ATP6V1E1: variants seen among roughly 807,000 people sequenced by gnomAD.
The protein encoded by ATP6V1E1 is V-type proton ATPase subunit E 1.
Under a neutral mutation model 35.2 loss-of-function variants are expected in ATP6V1E1, and 21 were observed. The ratio of observed to expected loss-of-function variants is 0.60; its 90% CI spans 0.42 to 0.86. ATP6V1E1 has a LOEUF of 0.86. ATP6V1E1 is among the 40% of genes least tolerant of loss of function. ATP6V1E1 has a pLI of 0.00. For missense variants in ATP6V1E1, 183 were observed against 272.6 expected (o/e 0.67, Z 2.32); for synonymous variants, 83 against 87.8 (o/e 0.95, Z 0.30).
chr22:17,598,364 A>C, intron 6 of ATP6V1E1, 76 bp from the exon 7 acceptor site: 1 of 1,148,514 alleles, frequency 8.7e-7, no homozygotes. Context: ...CAGACTATAC[A>C]AGCAAGGATA....
At chr22:17,600,945 G>C in intron 5 of ATP6V1E1, 147 bp downstream of exon 5, 1 of 622,412 alleles carries the variant, frequency 1.6e-6, no homozygotes, top group Non-Finnish European at 2.7e-6. Flanking sequence ...AAGAGTGAAA[G>C]TAAAAAAGCT....
intron 1 of ATP6V1E1, among the ~76,000 whole-genome samples, chr22:17,625,472 G>GTCTCAAACTCCCAATCTCAGGTGA (rs2057899256): frequency 6.7e-6 from 1 of 149,376 alleles, no homozygotes; most frequent in Non-Finnish European, 1.5e-5. Flanking sequence ...GGTCAGGCTG[G>GTCTCAAACTCCCAATCTCAGGTGA]TCTCAAACTC....
chr22:17,623,750 C>G (rs906670271), intron 1 of ATP6V1E1, among the ~76,000 whole-genome samples: 7 of 152,072 alleles, frequency 4.6e-5, no homozygotes, highest in Non-Finnish European at 1.0e-4. Flanking sequence ...AACCCTGATT[C>G]GGACCTGGAT....
chr22:17,618,986 C>T (rs1373726073), intron 2 of ATP6V1E1: 3 of 451,746 alleles, frequency 6.6e-6, no homozygotes, highest in Non-Finnish European at 8.8e-6. Flanking sequence ...AGTGACGAAG[C>T]GAGACTGTCT....
rs755637338 is a variant in ATP6V1E1 at position 17,613,274 on chromosome 22, T to C, written c.146A>G (p.Gln49Arg). The change falls in exon 3 of 9, where the codon CAA becomes CGA. Residue 49 changes from glutamine (Q) to arginine (R), a missense_variant. By Grantham distance (43) the Gln-to-Arg change is conservative (BLOSUM62 1). Coordinates refer to ENST00000253413, the MANE Select transcript of ATP6V1E1 (RefSeq NM_001696.4). ...NIEKGRLVQT[Q>R]RLKIMEYYEK... ...ATAATATTCCATAATCTTTAGTCTT[T>C]GGGTTTGCACAAGCCGACCTTTCTC... 5.0e-6 allele frequency: 8 copies of C among 1,613,698 alleles called. No homozygotes were observed. The Admixed American group carries it at 1.3e-4, about 27-fold the overall frequency.
intron 4 of ATP6V1E1, among the ~76,000 whole-genome samples, chr22:17,601,855 C>A (rs2057763722): frequency 6.6e-6 from 1 of 152,222 alleles, no homozygotes; most frequent in African/African-American, 2.4e-5. Flanking sequence ...GATCCGCCTG[C>A]CTTGGCCTCC....
chr22:17,612,782 T>C (rs769352513), intron 4 of ATP6V1E1, 30 bp downstream of exon 4: 4 of 1,503,216 alleles, frequency 2.7e-6, no homozygotes, highest in Non-Finnish European at 3.6e-6. Flanking sequence ...CATGTAATAA[T>C]TTTATAACTA....
rs898838739 is a variant in ATP6V1E1, at chr22:17,626,930, C to T, written c.33+1673G>A. ...GATCAAGCGATCCTCCCACCTCAGCCTCCCAAAGTGCTGGGGGCTACAGGT... is the reference window on the plus strand; with the variant it reads ...GATCAAGCGATCCTCCCACCTCAGCTTCCCAAAGTGCTGGGGGCTACAGGT... On this transcript the variant is annotated intron_variant, in intron 1 of 8. Coordinates refer to ENST00000253413, the MANE Select transcript of ATP6V1E1 (RefSeq NM_001696.4). Among the ~76,000 whole-genome samples, 11 of 152,070 alleles carry T rather than the reference C, an allele frequency of 7.2e-5. No individual in the cohort carries two copies. The East Asian group carries it at 1.9e-3, about 27-fold the overall frequency.
At chr22:17,622,864 G>A (rs1207848686) in intron 1 of ATP6V1E1, among the ~76,000 whole-genome samples, 1 of 152,100 alleles carries the variant, frequency 6.6e-6, no homozygotes, top group African/African-American at 2.4e-5. Context: ...TTACTCAGGA[G>A]GCTGAGGCAG....
At chr22:17,626,555 T>C (rs2057906886) in intron 1 of ATP6V1E1, among the ~76,000 whole-genome samples, 2 of 151,398 alleles carry the variant, frequency 1.3e-5, no homozygotes, top group African/African-American at 4.9e-5. Flanking sequence ...TTTTTTTTTT[T>C]TGAGACAGTC....
At chr22:17,619,573 A>G (rs2057864681) in intron 1 of ATP6V1E1, 47 bp from the exon 2 acceptor site, 4 of 1,429,202 alleles carry the variant, frequency 2.8e-6, no homozygotes, top group Non-Finnish European at 3.8e-6. Flanking sequence ...ATATGGAAAT[A>G]TCTTTTCTGA....
intron 1 of ATP6V1E1, among the ~76,000 whole-genome samples, chr22:17,627,910 G>A (rs1176179298): frequency 6.7e-6 from 1 of 149,006 alleles, no homozygotes; most frequent in African/African-American, 2.5e-5. Context: ...TCTTCCCTCC[G>A]CACTGTTTCC....
chr22:17,626,495 C>T (rs2057906493), intron 1 of ATP6V1E1, among the ~76,000 whole-genome samples: 2 of 151,964 alleles, frequency 1.3e-5, no homozygotes, highest in African/African-American at 4.8e-5. Flanking sequence ...CCACATCAGC[C>T]TCCCTAAGTA....
At chr22:17,602,385 T>TA (rs2057766038) in intron 4 of ATP6V1E1, among the ~76,000 whole-genome samples, 1 of 149,890 alleles carries the variant, frequency 6.7e-6, no homozygotes, top group Admixed American at 6.6e-5. Context: ...CAAGGCTTTT[T>TA]TTTTTCTTTG....
intron 4 of ATP6V1E1, among the ~76,000 whole-genome samples, chr22:17,609,613 C>T (rs1037452975): frequency 2.6e-5 from 4 of 151,768 alleles, no homozygotes; most frequent in South Asian, 4.2e-4. Flanking sequence ...GGACTACAGG[C>T]GCCCACCACC....
chr22:17,626,194 G>T (rs1209482757), intron 1 of ATP6V1E1, among the ~76,000 whole-genome samples: 2 of 151,440 alleles, frequency 1.3e-5, no homozygotes, highest in Non-Finnish European at 1.5e-5. Context: ...GTAAGTCCCA[G>T]CTTCTCGGGA....
chr22:17,610,562 T>G (rs1211360904), intron 4 of ATP6V1E1, among the ~76,000 whole-genome samples: 1 of 152,230 alleles, frequency 6.6e-6, no homozygotes, highest in African/African-American at 2.4e-5. Context: ...ATTAACTAGC[T>G]AAGACTATAA....
intron 1 of ATP6V1E1, among the ~76,000 whole-genome samples, chr22:17,626,456 C>T (rs2057906259): frequency 1.3e-5 from 2 of 152,084 alleles, no homozygotes; most frequent in African/African-American, 4.8e-5. Context: ...CTCACTGCAG[C>T]CTCGACCCCT....
chr22:17,611,015 C>T (rs2057812857), intron 4 of ATP6V1E1, among the ~76,000 whole-genome samples: 1 of 152,112 alleles, frequency 6.6e-6, no homozygotes, highest in Non-Finnish European at 1.5e-5. Flanking sequence ...AACCGAGGGT[C>T]AGAAACAGTA....
Sources: allele counts gnomAD v4.1 joint callset (sites outside exome capture counted in the v4.1 genomes callset), GRCh38; gene constraint gnomAD v4.1.1; transcripts MANE v1.5; gene names NCBI Gene and HGNC (gene_info 2026-07-23, HGNC 2026-07-21).